The following PIGN variants were observed in gnomAD, a reference collection of about 807,000 sequenced individuals.
PIGN encodes the protein phosphatidylinositol glycan anchor biosynthesis class N.
In PIGN, 117 loss-of-function variants were observed where a neutral mutation model predicts 125.4. The observed-to-expected ratio is 0.93, with a 90% confidence interval of 0.80 to 1.09. The LOEUF (loss-of-function observed/expected upper bound fraction) is 1.09. Ranked by LOEUF, PIGN falls within the 50% of genes least tolerant of loss-of-function variation. The pLI, the probability that PIGN is intolerant of heterozygous loss-of-function variation, is 0.00. For missense variants in PIGN, 1,075 were observed against 1,094.9 expected (o/e 0.98, Z 0.26); for synonymous variants, 392 against 377.8 (o/e 1.04, Z -0.44).
intron 15 of PIGN, among the ~76,000 whole-genome samples, chr18:62,114,100 G>C (rs1463966017): frequency 6.6e-6 from 1 of 152,182 alleles, no homozygotes; most frequent in Admixed American, 6.5e-5. Context: ...GGTGGCTCAT[G>C]CCTGTAATCC....
intron 23 of PIGN, among the ~76,000 whole-genome samples, chr18:62,028,309 G>T (rs1040339273): frequency 3.3e-5 from 5 of 152,194 alleles, no homozygotes; most frequent in African/African-American, 1.2e-4. Flanking sequence ...TTATTCTCCT[G>T]AGCCATCCAG....
chr18:62,023,221 G>T (rs1192069044), intron 23 of PIGN, among the ~76,000 whole-genome samples: 1 of 152,028 alleles, frequency 6.6e-6, no homozygotes, highest in East Asian at 1.9e-4. Context: ...ATACCCATTA[G>T]CAGTCACTCC....
At chr18:62,076,120 G>C (rs1233780152) in intron 28 of PIGN, 1 of 152,196 alleles carries the variant, frequency 6.6e-6, no homozygotes, top group Non-Finnish European at 1.5e-5. Context: ...ATTTTTAGTA[G>C]AGACGGGGTT....
chr18:62,149,154 T>G lies in PIGN; in HGVS notation c.550-816A>C, dbSNP rs2036441307. ...ATGTTAACTTTTAACAAGATATGTT[T>G]AACTTTTCAACAAAAGTCTGAAGTA... On this transcript the variant is annotated intron_variant, in intron 7 of 30. Transcript: ENST00000640252. Among the ~76,000 whole-genome samples the G allele has an allele frequency of 2.0e-5, 3 of 152,198 alleles. No homozygotes were observed. The South Asian group carries it at 6.2e-4, about 31-fold the overall frequency.
At chr18:62,025,824 A>G (rs905830589) in intron 23 of PIGN, among the ~76,000 whole-genome samples, 1 of 152,178 alleles carries the variant, frequency 6.6e-6, no homozygotes, top group African/African-American at 2.4e-5. Flanking sequence ...CATCCAGTCA[A>G]TTCAACAAGC....
At chr18:62,131,725 G>C (rs910187668) in intron 14 of PIGN, among the ~76,000 whole-genome samples, 1 of 152,108 alleles carries the variant, frequency 6.6e-6, no homozygotes, top group Non-Finnish European at 1.5e-5. Context: ...ACAAGCCTAA[G>C]ATAAAGAATC....
intron 10 of PIGN, among the ~76,000 whole-genome samples, chr18:62,144,854 G>A (rs948079882): frequency 1.3e-5 from 2 of 152,086 alleles, no homozygotes; most frequent in East Asian, 1.9e-4. Context: ...TGGTTCCAGC[G>A]ACTTGGGAGG....
At chr18:62,104,980 A>G (rs2034580297) in intron 20 of PIGN, 1 of 152,258 alleles carries the variant, frequency 6.6e-6, no homozygotes, top group East Asian at 1.9e-4. Context: ...AGAAATAAAT[A>G]TAGCAGCACA....
chr18:62,057,084 G>A (rs1466574242), intron 30 of PIGN, among the ~76,000 whole-genome samples: 1 of 152,066 alleles, frequency 6.6e-6, no homozygotes, highest in Non-Finnish European at 1.5e-5. Context: ...GGGGACCACT[G>A]TACTAAAGGA....
chr18:62,047,844 T>C (rs553398767), intron 30 of PIGN, among the ~76,000 whole-genome samples: 1 of 152,172 alleles, frequency 6.6e-6, no homozygotes, highest in South Asian at 2.1e-4. Flanking sequence ...GACAATTAAC[T>C]GATATCAAAA....
intron 14 of PIGN, chr18:62,136,915 G>C (rs1316862393): frequency 1.5e-5 from 6 of 392,362 alleles, no homozygotes; most frequent in Non-Finnish European, 2.7e-5. Flanking sequence ...AGCAAAATCT[G>C]CTGCTCACCA....
intron 20 of PIGN, 82 bp from the exon 21 acceptor site, chr18:62,102,984 C>T (rs2034503931): frequency 1.5e-6 from 1 of 659,994 alleles, no homozygotes; most frequent in East Asian, 3.2e-5. Flanking sequence ...ACATCTTACT[C>T]TAATACAGAA....
At chr18:62,178,077 C>T (rs544301376) in intron 1 of PIGN, among the ~76,000 whole-genome samples, 4 of 152,198 alleles carry the variant, frequency 2.6e-5, no homozygotes, top group Admixed American at 2.6e-4. Context: ...ACTCAGGAAA[C>T]CACTAGACAG....
intron 14 of PIGN, among the ~76,000 whole-genome samples, chr18:62,123,897 C>T (rs2035403460): frequency 6.7e-6 from 1 of 149,984 alleles, no homozygotes; most frequent in South Asian, 2.1e-4. Flanking sequence ...CATATTATAA[C>T]TCATTATATC....
At chr18:62,036,595 G>A (rs1412809441), downstream of PIGN, among the ~76,000 whole-genome samples, 1 of 152,150 alleles carries the variant, frequency 6.6e-6, no homozygotes. Flanking sequence ...GGAAACTATG[G>A]AGAGATCCTA....
chr18:62,038,686 A>T (rs1436876602), downstream of PIGN, among the ~76,000 whole-genome samples: 3 of 152,158 alleles, frequency 2.0e-5, no homozygotes, highest in African/African-American at 7.2e-5. Context: ...TGATCCCAAT[A>T]CTTTGGGAGA....
At chr18:62,129,058 C>A (rs990580521) in intron 14 of PIGN, among the ~76,000 whole-genome samples, 5 of 152,130 alleles carry the variant, frequency 3.3e-5, no homozygotes, top group Non-Finnish European at 4.4e-5. Flanking sequence ...TTTCTCTCCC[C>A]TTGCCTCAAT....
At position 62,114,559 on chromosome 18, in the gene PIGN, A is replaced by G; in HGVS notation, c.1251+2T>C. 6.7e-7 allele frequency: 1 copy of G among 1,490,940 alleles called. No individual in the cohort carries two copies. Among genetic ancestry groups the G allele is most frequent in the Non-Finnish European group, 9.2e-7 (1 of 1,091,462 alleles). 92.4% of individuals were successfully genotyped at this position (1,490,940 alleles called of 1,614,324 possible). A position where few individuals can be genotyped will look rare whatever the true frequency, so the allele number is the denominator to read the frequency against. ...TTATGTCTATAAGGCCGGTATACTT[A>G]CCACTTCATCAAACTTTCTGTGTTT... On this transcript the variant is annotated splice_donor_variant, in intron 15 of 30. Coordinates refer to ENST00000640252, the MANE Select transcript of PIGN (RefSeq NM_176787.5). LOFTEE classifies it high-confidence loss of function.
At chr18:62,083,880 T>C (rs1243204043) in intron 27 of PIGN, among the ~76,000 whole-genome samples, 1 of 152,192 alleles carries the variant, frequency 6.6e-6, no homozygotes, top group African/African-American at 2.4e-5. Flanking sequence ...TTTTTATTCA[T>C]AAATCTGAAC....
Sources: allele counts gnomAD v4.1 joint callset (sites outside exome capture counted in the v4.1 genomes callset), GRCh38; gene constraint gnomAD v4.1.1; transcripts MANE v1.5; gene names NCBI Gene and HGNC (gene_info 2026-07-23, HGNC 2026-07-21).